GDPD1: variants seen among roughly 807,000 people sequenced by gnomAD.
GDPD1 encodes glycerophosphodiester phosphodiesterase domain containing 1, also known as lysophospholipase D GDPD1.
Under a neutral mutation model 45.1 loss-of-function variants are expected in GDPD1, and 28 were observed. The observed-to-expected ratio is 0.62, with a 90% CI of 0.46 to 0.85. The LOEUF (loss-of-function observed/expected upper bound fraction) is 0.85, where lower values mean the gene tolerates loss of function less well. Among genes scored for constraint, GDPD1 ranks in the 40% least tolerant of loss-of-function variants. The probability of loss-of-function intolerance (pLI) is 0.00; values close to 1 mark genes in which losing one functional copy is unlikely to be tolerated. For synonymous variants in GDPD1, 139 were observed against 131.4 expected, an observed-to-expected ratio of 1.06 and a Z score of -0.40; for missense variants, 256 against 364.8, an observed-to-expected ratio of 0.70 and a Z score of 2.43.
chr17:59,236,220 AT>A (rs2147879894), intron 2 of GDPD1, among the ~76,000 whole-genome samples: 1 of 152,220 alleles, frequency 6.6e-6, no homozygotes, highest in African/African-American at 2.4e-5. Context: ...AAATATCACA[AT>A]TTTTTCTAAC....
intron 1 of GDPD1, among the ~76,000 whole-genome samples, chr17:59,222,033 C>T (rs2147870021): frequency 6.6e-6 from 1 of 152,222 alleles, no homozygotes; most frequent in Middle Eastern, 3.4e-3. Context: ...AGCCAAATGC[C>T]TTGTTATTGT....
chr17:59,252,422 A>G (rs1284211244), intron 4 of GDPD1, among the ~76,000 whole-genome samples: 2 of 151,482 alleles, frequency 1.3e-5, no homozygotes, highest in Non-Finnish European at 2.9e-5. Context: ...TATTTTTAGT[A>G]GAGACGAGGT....
chr17:59,234,119 GGACA>G (rs1426781404), intron 1 of GDPD1, among the ~76,000 whole-genome samples: 1 of 151,934 alleles, frequency 6.6e-6, no homozygotes, highest in Non-Finnish European at 1.5e-5. Context: ...AGGCCGAGAT[GGACA>G]GATCACGCGG....
intron 1 of GDPD1, among the ~76,000 whole-genome samples, chr17:59,228,170 T>TAAAAAA (rs36140380): frequency 2.3e-4 from 21 of 91,652 alleles, no homozygotes; most frequent in South Asian, 4.1e-4. Flanking sequence ...AGACTCCATC[T>TAAAAAA]AAAAAAAAAA....
intron 1 of GDPD1, among the ~76,000 whole-genome samples, chr17:59,229,551 G>A (rs1446540369): frequency 2.0e-5 from 3 of 149,124 alleles, no homozygotes; most frequent in African/African-American, 7.4e-5. Context: ...AGTAGAGATG[G>A]GGGTTTCACC....
intron 2 of GDPD1, among the ~76,000 whole-genome samples, chr17:59,244,992 T>C (rs1355510797): frequency 6.6e-6 from 1 of 152,090 alleles, no homozygotes; most frequent in Non-Finnish European, 1.5e-5. Flanking sequence ...CAAGACTCTG[T>C]CTCAAAAAAA....
intron 1 of GDPD1, among the ~76,000 whole-genome samples, chr17:59,224,641 A>AAAAAAC (rs557444576): frequency 6.7e-6 from 1 of 148,150 alleles, no homozygotes; most frequent in African/African-American, 2.5e-5. Context: ...AAAAAAAAAC[A>AAAAAAC]AAAAACAAAA....
chr17:59,232,823 C>T (rs2047101282), intron 1 of GDPD1, among the ~76,000 whole-genome samples: 1 of 152,094 alleles, frequency 6.6e-6, no homozygotes, highest in East Asian at 1.9e-4. Context: ...AGCAGAATTC[C>T]CCCTCACTCC....
chr17:59,275,430 AT>A lies in GDPD1; in HGVS notation c.*1664del, dbSNP rs1307982875. 6 of 328,228 alleles carry A rather than the reference AT, an allele frequency of 1.8e-5. No homozygotes were observed. Among genetic ancestry groups the A allele is most frequent in the East Asian group, 5.1e-5 (1 of 19,684 alleles). 20.3% of individuals were successfully genotyped at this position (328,228 alleles called of 1,614,324 possible). ...GGTGTGTAGCAATTCTACCATGTCC[AT>A]TTTTTTAAGCATTAAAAAGGAACTT... On this transcript the variant is annotated 3_prime_UTR_variant, in exon 10 of 10. Transcript: ENST00000284116.
At chr17:59,256,558 G>C (rs2047310700) in intron 4 of GDPD1, among the ~76,000 whole-genome samples, 1 of 152,094 alleles carries the variant, frequency 6.6e-6, no homozygotes, top group Admixed American at 6.6e-5. Context: ...AACAATCTCA[G>C]TATCTACTAG....
rs1029564770 is a variant in GDPD1, at chr17:59,248,982, G to A, written c.367+197G>A. 2.6e-5 allele frequency: 11 copies of A among 426,726 alleles called. No homozygotes were observed. The East Asian group carries it at 4.1e-4, about 16-fold the overall frequency. 26.4% of individuals were successfully genotyped at this position (426,726 alleles called of 1,614,324 possible). On this transcript the variant is annotated intron_variant, in intron 4 of 9. Transcript: ENST00000284116. Reference sequence around the variant, plus strand: ...AGTGATTCATTCTGCTTAAATTCATGTACAGTTAACTTAAACCTGAACACT... The same window carrying A: ...AGTGATTCATTCTGCTTAAATTCATATACAGTTAACTTAAACCTGAACACT...
chr17:59,254,935 CATATAT>C (rs1378207771), intron 4 of GDPD1, among the ~76,000 whole-genome samples: 1 of 152,094 alleles, frequency 6.6e-6, no homozygotes, highest in African/African-American at 2.4e-5. Context: ...TTAGACTGGT[CATATAT>C]TTAGTCTGTG....
chr17:59,271,925 G>A (rs185054104), intron 8 of GDPD1, among the ~76,000 whole-genome samples: 2 of 152,098 alleles, frequency 1.3e-5, no homozygotes, highest in African/African-American at 2.4e-5. Context: ...GTGAGCCACC[G>A]CGCCCAGCCT....
intron 2 of GDPD1, among the ~76,000 whole-genome samples, chr17:59,242,681 G>A (rs2047183439): frequency 6.6e-6 from 1 of 152,176 alleles, no homozygotes; most frequent in Non-Finnish European, 1.5e-5. Context: ...GACCAGGAAA[G>A]ATTAGGCACA....
intron 2 of GDPD1, among the ~76,000 whole-genome samples, chr17:59,241,076 A>G (rs2047171636): frequency 6.6e-6 from 1 of 152,250 alleles, no homozygotes; most frequent in Admixed American, 6.5e-5. Flanking sequence ...TAACCACGGA[A>G]CAATAGGCTA....
chr17:59,268,445 G>A (rs1247605134), intron 7 of GDPD1, among the ~76,000 whole-genome samples: 3 of 151,688 alleles, frequency 2.0e-5, no homozygotes, highest in East Asian at 1.9e-4. Context: ...CGGGCGTGGT[G>A]GCGGGCGCCT....
chr17:59,246,016 A>T (rs1426496527), intron 3 of GDPD1, among the ~76,000 whole-genome samples: 1 of 151,982 alleles, frequency 6.6e-6, no homozygotes, highest in Non-Finnish European at 1.5e-5. Flanking sequence ...GCTACTTGGG[A>T]GGCTGAGGCA....
rs552132839 is a variant in GDPD1 at position 59,256,209 on chromosome 17, C to T, written c.368-913C>T. ...TGGTGCTCCTGTAGTTCCAGCTACTCAGGAGGTCAAGGTGGGAGGATCACT... is the reference window on the plus strand; with the variant it reads ...TGGTGCTCCTGTAGTTCCAGCTACTTAGGAGGTCAAGGTGGGAGGATCACT... On this transcript the variant is annotated intron_variant, in intron 4 of 9. Coordinates refer to ENST00000284116, the MANE Select transcript of GDPD1 (RefSeq NM_182569.4). Among the ~76,000 whole-genome samples, 3 of 151,828 alleles carry T rather than the reference C, an allele frequency of 2.0e-5. No homozygotes were observed. In the East Asian group the frequency reaches 5.8e-4, roughly 30 times the overall value.
rs1279380133 is a variant in GDPD1 at position 59,248,743 on chromosome 17, C to T, written c.325C>T (p.Leu109Phe). The T allele has an allele frequency of 6.3e-7, 1 of 1,598,266 alleles. No homozygotes were observed. The change falls in exon 4 of 10, where the codon CTC becomes TTC. Residue 109 changes from leucine to phenylalanine, a missense_variant. Coordinates refer to ENST00000284116, the MANE Select transcript of GDPD1 (RefSeq NM_182569.4). ...VNISDLKYCE[L>F]PPYLGKLDVS... ...TTTCAATCATATCTTTTTAAAGGAG[C>T]TCCCACCTTACCTTGGCAAACTGGA...
Sources: allele counts gnomAD v4.1 joint callset (sites outside exome capture counted in the v4.1 genomes callset), GRCh38; gene constraint gnomAD v4.1.1; transcripts MANE v1.5; gene names NCBI Gene and HGNC (gene_info 2026-07-23, HGNC 2026-07-21).